ANKRD6: variants seen among roughly 807,000 people sequenced by gnomAD.
ANKRD6 encodes ankyrin repeat domain 6.
In ANKRD6, 56 loss-of-function variants were observed where a neutral mutation model predicts 82.3. The ratio of observed to expected loss-of-function variants is 0.68; its 90% CI spans 0.55 to 0.85. ANKRD6 has a LOEUF of 0.85. Ranked by LOEUF, ANKRD6 falls within the 40% of genes least tolerant of loss-of-function variation. The pLI is 0.00. For missense variants in ANKRD6, 852 were observed against 907.6 expected (o/e 0.94, Z 0.79); for synonymous variants, 347 against 352.1 (o/e 0.99, Z 0.16).
At position 89,624,664 on chromosome 6, in the gene ANKRD6, G is replaced by T; in HGVS notation, c.1344G>T (p.Gly448=). ...AGGACAAAATGAATACAAAGCTGGG[G>T]CAGATGGAGAATAAGACCCAGCACC... ...SVQDKMNTKL[G]QMENKTQHQM... The change falls in exon 13 of 16, where the codon GGG becomes GGT. Residue 448 remains glycine (G), a synonymous_variant. Transcript: ENST00000339746. 6.2e-7 allele frequency: 1 copy of T among 1,601,596 alleles called. No homozygotes were observed. The highest frequency in any genetic ancestry group is 8.5e-7 in the Non-Finnish European group (1 of 1,173,940).
chr6:89,554,259 C>T (rs1356894888), intron 1 of ANKRD6, among the ~76,000 whole-genome samples: 1 of 152,142 alleles, frequency 6.6e-6, no homozygotes, highest in Admixed American at 6.5e-5. Flanking sequence ...GGAGACTGTT[C>T]CCTTGTATCC....
intron 13 of ANKRD6, 42 bp downstream of exon 13, chr6:89,624,733 G>C (rs1477996761): frequency 6.3e-7 from 1 of 1,581,568 alleles, no homozygotes; most frequent in Non-Finnish European, 8.6e-7. Flanking sequence ...AGGTGTTCTG[G>C]CAGAACATGA....
intron 1 of ANKRD6, chr6:89,505,141 C>G (rs1779698564): frequency 6.6e-6 from 1 of 152,290 alleles, no homozygotes; most frequent in Admixed American, 6.5e-5. Flanking sequence ...TGGGGCTATG[C>G]TGGTTCTCCA....
In ANKRD6 at chr6:89,492,052, G is replaced by A. The variant is rs546139181; in HGVS notation, c.-144+58677G>A. ...TTTATTTCCTTATGAAGACTCCCAC[G>A]TCACCTAAAACTTACATTGAATAAA... On this transcript the variant is annotated intron_variant, in intron 1 of 15. Transcript: ENST00000339746. Among the ~76,000 whole-genome samples the A allele has an allele frequency of 1.8e-3, 281 of 152,210 alleles. 4 individuals carry two copies. In the South Asian group the frequency reaches 0.039, roughly 21 times the overall value.
Position 89,632,250 on chromosome 6 carries a change from T to C in ANKRD6, c.*1246T>C, listed in dbSNP as rs1008807307. On this transcript the variant is annotated 3_prime_UTR_variant, in exon 16 of 16. Coordinates refer to ENST00000339746, the MANE Select transcript of ANKRD6 (RefSeq NM_001242809.2). The stretch of plus-strand genomic sequence containing the variant: ...TGAGCCAAAGAGAAGAAATGATTTA[T>C]TAACATGGGGACACCAAGAAAAACA... The C allele has an allele frequency of 2.0e-5, 3 of 152,254 alleles. No homozygotes were observed. Among genetic ancestry groups the C allele is most frequent in the Admixed American group, 2.0e-4 (3 of 15,278 alleles). 9.4% of individuals were successfully genotyped at this position (152,254 alleles called of 1,614,324 possible). A position where few individuals can be genotyped will look rare whatever the true frequency, so the allele number is the denominator to read the frequency against.
At chr6:89,445,604 GC>G (rs2127946336) in intron 1 of ANKRD6, among the ~76,000 whole-genome samples, 1 of 152,090 alleles carries the variant, frequency 6.6e-6, no homozygotes, top group East Asian at 1.9e-4. Flanking sequence ...ACACCACCAT[GC>G]CTGGCTAATT....
intron 1 of ANKRD6, among the ~76,000 whole-genome samples, chr6:89,547,751 A>C (rs1163000373): frequency 6.6e-6 from 1 of 152,144 alleles, no homozygotes; most frequent in Non-Finnish European, 1.5e-5. Context: ...CATTGAGTAT[A>C]TCCCAGGAAT....
chr6:89,614,030 G>C lies in ANKRD6; in HGVS notation c.615+140G>C, dbSNP rs1434018209. 6.6e-6 allele frequency: 5 copies of C among 759,542 alleles called. No individual in the cohort carries two copies. The East Asian group carries it at 1.3e-4, about 20-fold the overall frequency. The allele number at this position is 759,542 out of a possible 1,614,324, so 47.1% of individuals were successfully genotyped here. ...TGGGACTCAGCCAGCAGTGGGCTTT[G>C]CATGGGTGTCACACTGAGTTCTAGT... On this transcript the variant is annotated intron_variant, in intron 7 of 15. Transcript: ENST00000339746.
chr6:89,441,145 A>G (rs994003761), intron 1 of ANKRD6, among the ~76,000 whole-genome samples: 2 of 152,152 alleles, frequency 1.3e-5, no homozygotes, highest in African/African-American at 4.8e-5. Flanking sequence ...TGAACAAGTT[A>G]CCGAATGTAT....
chr6:89,461,510 A>G (rs960572732), intron 1 of ANKRD6, among the ~76,000 whole-genome samples: 1 of 152,234 alleles, frequency 6.6e-6, no homozygotes, highest in Admixed American at 6.5e-5. Context: ...TTAAGCCAAC[A>G]TATGTCCGTT....
intron 1 of ANKRD6, among the ~76,000 whole-genome samples, chr6:89,538,297 C>T (rs1427565972): frequency 3.3e-5 from 5 of 152,136 alleles, no homozygotes; most frequent in Admixed American, 6.6e-5. Context: ...CAGAGCTTCT[C>T]AAAGTGTGAT....
At chr6:89,439,173 G>A (rs1771034590) in intron 1 of ANKRD6, among the ~76,000 whole-genome samples, 1 of 152,124 alleles carries the variant, frequency 6.6e-6, no homozygotes, top group African/African-American at 2.4e-5. Context: ...AATTTACTCA[G>A]AATCATCCAA....
intron 2 of ANKRD6, among the ~76,000 whole-genome samples, chr6:89,578,213 C>T (rs1189280539): frequency 6.6e-6 from 1 of 150,718 alleles, no homozygotes; most frequent in African/African-American, 2.4e-5. Flanking sequence ...AGGAGAACGA[C>T]ATGGGACACA....
chr6:89,606,195 G>C, intron 5 of ANKRD6, 90 bp downstream of exon 5: 1 of 1,079,670 alleles, frequency 9.3e-7, no homozygotes, highest in Non-Finnish European at 1.3e-6. Context: ...CCAGTGAGAA[G>C]AGTGAGAGCC....
intron 1 of ANKRD6, among the ~76,000 whole-genome samples, chr6:89,446,563 G>A (rs977224030): frequency 3.9e-5 from 6 of 151,924 alleles, no homozygotes; most frequent in African/African-American, 1.5e-4. Context: ...TGAATGCAAA[G>A]GAAAAATTCT....
chr6:89,603,806 C>T (rs1399563469), intron 4 of ANKRD6, among the ~76,000 whole-genome samples: 1 of 152,094 alleles, frequency 6.6e-6, no homozygotes, highest in African/African-American at 2.4e-5. Context: ...GTCAACATAA[C>T]AAACCACTGT....
intron 1 of ANKRD6, among the ~76,000 whole-genome samples, chr6:89,436,231 T>C (rs1286170981): frequency 6.6e-6 from 1 of 152,240 alleles, no homozygotes; most frequent in Non-Finnish European, 1.5e-5. Context: ...TTTTCAAACC[T>C]TGGGATCGTG....
rs577178825 is a variant in ANKRD6, at chr6:89,491,312, A to G, written c.-144+57937A>G. Among the ~76,000 whole-genome samples the G allele has an allele frequency of 1.8e-4, 28 of 152,314 alleles. No homozygotes were observed. In the South Asian group the frequency reaches 5.4e-3, roughly 29 times the overall value. ...TTGGGATTCAGGACACGTGACCCCA[A>G]AATATTTCAAGTTGAAGAAACTTGA... On this transcript the variant is annotated intron_variant, in intron 1 of 15. Coordinates refer to ENST00000339746, the MANE Select transcript of ANKRD6 (RefSeq NM_001242809.2).
rs2127911075 is a variant in ANKRD6, at chr6:89,433,250, TG to T, written c.-266del. On this transcript the variant is annotated 5_prime_UTR_variant, in exon 1 of 16. Transcript: ENST00000339746. This position sits in a 1 kb window ranked among gnomAD's most constrained non-coding sequence, Gnocchi z 4.3. Reference sequence around the variant, plus strand: ...GCGCGGGCGGCTGGAGGCACGGCGCTGGGCGGCGCCGAGGCCCTGGGGCCGC... The same window carrying T: ...GCGCGGGCGGCTGGAGGCACGGCGCTGGCGGCGCCGAGGCCCTGGGGCCGC... 6.6e-6 allele frequency: 1 copy of T among 151,798 alleles called. No individual in the cohort carries two copies. Among genetic ancestry groups the T allele is most frequent in the Non-Finnish European group, 1.5e-5 (1 of 67,960 alleles). The allele number at this position is 151,798 out of a possible 1,614,324, so 9.4% of individuals were successfully genotyped here.
Sources: allele counts gnomAD v4.1 joint callset (sites outside exome capture counted in the v4.1 genomes callset), GRCh38; gene constraint gnomAD v4.1.1; non-coding constraint Gnocchi (gnomAD v3.1); transcripts MANE v1.5; gene names NCBI Gene and HGNC (gene_info 2026-07-23, HGNC 2026-07-21).